TCF12: variants seen among roughly 807,000 people sequenced by gnomAD.
TCF12 encodes the protein DNA-binding protein HTF4.
In TCF12, 45 loss-of-function variants were observed where a neutral mutation model predicts 86.0. That is an observed-to-expected ratio of 0.52 (90% CI 0.41 to 0.67). The LOEUF is 0.67. Among genes scored for constraint, TCF12 ranks in the 30% least tolerant of loss-of-function variants. The probability of loss-of-function intolerance (pLI) is 0.00; values close to 1 mark genes in which losing one functional copy is unlikely to be tolerated. For synonymous variants in TCF12, 330 were observed against 299.6 expected, an observed-to-expected ratio of 1.10 and a Z score of -1.05; for missense variants, 881 against 859.9, an observed-to-expected ratio of 1.02 and a Z score of -0.31.
chr15:57,237,148 A>T (rs4774914), intron 12 of TCF12, among the ~76,000 whole-genome samples: 127,332 of 146,080 alleles, frequency 0.87, 55,803 homozygotes, highest in East Asian at 0.97. Context: ...AGAGAGAGAG[A>T]GTGTGTGTGT....
intron 10 of TCF12, 68 bp downstream of exon 10, chr15:57,232,498 A>C: frequency 5.9e-6 from 9 of 1,525,568 alleles, no homozygotes; most frequent in Non-Finnish European, 7.9e-6. Context: ...TTTGGATTAG[A>C]AGTGTAAAAT....
intron 3 of TCF12, among the ~76,000 whole-genome samples, chr15:57,023,049 C>T (rs528909322): frequency 1.3e-5 from 2 of 152,230 alleles, no homozygotes; most frequent in African/African-American, 4.8e-5. Flanking sequence ...GTATAAGAGA[C>T]ATTAAATGTC....
At chr15:57,189,043 C>T (rs1363268239) in intron 6 of TCF12, among the ~76,000 whole-genome samples, 2 of 152,202 alleles carry the variant, frequency 1.3e-5, no homozygotes, top group East Asian at 1.9e-4. Context: ...CCTGCCTCAG[C>T]TTCCCAAAGT....
chr15:57,160,530 A>T (rs2054427998), intron 5 of TCF12, among the ~76,000 whole-genome samples: 1 of 152,110 alleles, frequency 6.6e-6, no homozygotes, highest in African/African-American at 2.4e-5. Context: ...CGGTATTTTT[A>T]GTAAATATAT....
At chr15:56,966,912 C>T (rs1011251199) in intron 3 of TCF12, among the ~76,000 whole-genome samples, 2 of 151,938 alleles carry the variant, frequency 1.3e-5, no homozygotes, top group Admixed American at 6.6e-5. Context: ...CACTTGAGGT[C>T]GGGAGTTTGA....
Position 57,086,705 on chromosome 15 carries a change from T to TA in TCF12, c.223-5064dup, listed in dbSNP as rs34069853. 6.0e-3 allele frequency among the ~76,000 whole-genome samples: 633 copies of TA among 105,572 alleles called. 12 individuals are homozygous for TA. The highest frequency in any genetic ancestry group is 0.028 in the Admixed American group (279 of 9,974). The allele number at this position is 105,572 out of a possible 152,430, so 69.3% of individuals were successfully genotyped here. A position where few individuals can be genotyped will look rare whatever the true frequency, so the allele number is the denominator to read the frequency against. ...TTCAAAGAGCCTCTTTCCCTCCCTTTAAAAAAAAAAAAAAAAAAAAGGCCA... is the reference window on the plus strand; with the variant it reads ...TTCAAAGAGCCTCTTTCCCTCCCTTTAAAAAAAAAAAAAAAAAAAAAGGCCA... On this transcript the variant is annotated intron_variant, in intron 4 of 20. Coordinates refer to ENST00000333725, the MANE Select transcript of TCF12 (RefSeq NM_207037.2).
intron 3 of TCF12, among the ~76,000 whole-genome samples, chr15:57,023,186 A>C (rs552881975): frequency 1.3e-5 from 2 of 152,228 alleles, no homozygotes; most frequent in African/African-American, 2.4e-5. Flanking sequence ...TTTGAACAAC[A>C]TTCACTTGTT....
intron 5 of TCF12, among the ~76,000 whole-genome samples, chr15:57,135,881 A>G (rs575828119): frequency 6.6e-6 from 1 of 152,264 alleles, no homozygotes; most frequent in South Asian, 2.1e-4. Context: ...CATTGTTGTT[A>G]AGAACTGACA....
chr15:56,919,135 C>T (rs1225095161), intron 1 of TCF12: 1 of 151,582 alleles, frequency 6.6e-6, no homozygotes, highest in South Asian at 2.1e-4. Flanking sequence ...CCTGTGCGCC[C>T]CGTTCGGTGC....
intron 3 of TCF12, among the ~76,000 whole-genome samples, chr15:57,051,772 C>T (rs1473867540): frequency 3.3e-5 from 5 of 152,164 alleles, no homozygotes; most frequent in African/African-American, 1.2e-4. Flanking sequence ...TTTCTAGTTT[C>T]AGGTCTTATG....
At chr15:57,188,289 T>C (rs1436689948) in intron 6 of TCF12, among the ~76,000 whole-genome samples, 3 of 152,092 alleles carry the variant, frequency 2.0e-5, no homozygotes, top group Non-Finnish European at 2.9e-5. Flanking sequence ...ACTTGTACCC[T>C]GGAAACTACA....
chr15:56,943,985 A>G (rs554521823), intron 3 of TCF12, among the ~76,000 whole-genome samples: 11 of 152,308 alleles, frequency 7.2e-5, no homozygotes, highest in African/African-American at 2.4e-4. Context: ...GTCTGGCTGC[A>G]GTTTAGAACC....
intron 3 of TCF12, among the ~76,000 whole-genome samples, chr15:57,008,610 T>G (rs2064627889): frequency 6.6e-6 from 1 of 152,200 alleles, no homozygotes; most frequent in Admixed American, 6.5e-5. Context: ...CTTTAGACAT[T>G]AGTTTATTGA....
intron 5 of TCF12, among the ~76,000 whole-genome samples, chr15:57,115,148 G>C (rs1308421868): frequency 6.6e-6 from 1 of 152,146 alleles, no homozygotes. Context: ...TCATAGGATA[G>C]ATAATGGTTA....
chr15:57,180,140 G>A (rs1597110046), intron 6 of TCF12, among the ~76,000 whole-genome samples: 1 of 152,106 alleles, frequency 6.6e-6, no homozygotes, highest in Non-Finnish European at 1.5e-5. Flanking sequence ...AATTTGAAAT[G>A]TGTTAGTTTT....
At position 57,062,322 on chromosome 15, in the gene TCF12, T is replaced by C. The variant is rs558455111; in HGVS notation, c.149-1428T>C. ...ATATCTCTTAAATTTGGAACTTTAA[T>C]ACTAGCTCCACAGGAATGAACAAAA... is the stretch of plus-strand genomic sequence containing the variant. On this transcript the variant is annotated intron_variant, in intron 3 of 20. Coordinates refer to ENST00000333725, the MANE Select transcript of TCF12 (RefSeq NM_207037.2). Among the ~76,000 whole-genome samples the C allele has an allele frequency of 2.9e-4, 44 of 152,244 alleles. No individual in the cohort carries two copies. In the South Asian group the frequency reaches 8.7e-3, roughly 30 times the overall value.
At chr15:57,191,892 C>T (rs1277185790) in intron 6 of TCF12, among the ~76,000 whole-genome samples, 1 of 151,520 alleles carries the variant, frequency 6.6e-6, no homozygotes, top group Non-Finnish European at 1.5e-5. Context: ...TGAGATCTTA[C>T]CACTACACTC....
At chr15:57,125,537 T>G (rs1363486443) in intron 5 of TCF12, among the ~76,000 whole-genome samples, 1 of 152,248 alleles carries the variant, frequency 6.6e-6, no homozygotes, top group East Asian at 1.9e-4. Context: ...GCCTTTAAAC[T>G]TAAAGATACC....
chr15:57,067,538 C>CAAAAA (rs141377160), intron 4 of TCF12, among the ~76,000 whole-genome samples: 9 of 58,580 alleles, frequency 1.5e-4, no homozygotes, highest in African/African-American at 3.9e-4. Flanking sequence ...GACTCCGTCT[C>CAAAAA]AAAAAAAAAA....
Sources: gnomAD v4.1 joint callset for allele counts (sites outside exome capture counted in the v4.1 genomes callset) on GRCh38, gnomAD v4.1.1 for gene constraint, MANE v1.5 for transcripts, NCBI Gene and HGNC (gene_info 2026-07-23, HGNC 2026-07-21) for gene names.